ADAMTS12: variants seen among roughly 807,000 people sequenced by gnomAD.
The protein encoded by ADAMTS12 is ADAM metallopeptidase with thrombospondin type 1 motif 12, also known as A disintegrin and metalloproteinase with thrombospondin motifs 12.
In ADAMTS12, 118 loss-of-function variants were observed where a neutral mutation model predicts 167.8. The observed-to-expected ratio is 0.70, with a 90% CI of 0.61 to 0.82. The LOEUF (loss-of-function observed/expected upper bound fraction) is 0.82, where lower values mean the gene tolerates loss of function less well. Ranked by LOEUF, ADAMTS12 falls within the 40% of genes least tolerant of loss-of-function variation. ADAMTS12 has a pLI of 0.00. For missense variants in ADAMTS12, 1,916 were observed against 1,998.8 expected, an observed-to-expected ratio of 0.96 and a Z score of 0.79; for synonymous variants, 704 against 716.9, an observed-to-expected ratio of 0.98 and a Z score of 0.29.
At chr5:33,549,183 T>A (rs758591660) in intron 21 of ADAMTS12, 24 bp downstream of exon 21, 41 of 1,606,976 alleles carry the variant, frequency 2.6e-5, no homozygotes, top group Non-Finnish European at 3.5e-5. Context: ...TGTGAGGACA[T>A]CTCTCCCTTT....
At position 33,613,102 on chromosome 5, in the gene ADAMTS12, T is replaced by C. The variant is rs1005983829; in HGVS notation, c.2527+1136A>G. Among the ~76,000 whole-genome samples, 7 of 152,234 alleles carry C rather than the reference T, an allele frequency of 4.6e-5. No individual in the cohort carries two copies. The East Asian group carries it at 1.2e-3, about 25-fold the overall frequency. ...GGGAGAGTAGGCCATGGTCTTCTGCTCCATTCACTTGCTTCAGTTTTCTTC... is the reference window on the plus strand; with the variant it reads ...GGGAGAGTAGGCCATGGTCTTCTGCCCCATTCACTTGCTTCAGTTTTCTTC... On this transcript the variant is annotated intron_variant, in intron 16 of 23. Coordinates refer to ENST00000504830, the MANE Select transcript of ADAMTS12 (RefSeq NM_030955.4).
intron 3 of ADAMTS12, among the ~76,000 whole-genome samples, chr5:33,703,204 CT>C (rs1743064515): frequency 6.6e-6 from 1 of 152,316 alleles, no homozygotes; most frequent in Non-Finnish European, 1.5e-5. Context: ...CTGACTACCC[CT>C]GGAGGGTGAA....
At chr5:33,756,717 T>G (rs1579909771) in intron 2 of ADAMTS12, among the ~76,000 whole-genome samples, 1 of 152,260 alleles carries the variant, frequency 6.6e-6, no homozygotes, top group East Asian at 1.9e-4. Context: ...GCAGCCCTAG[T>G]AACTCATGTG....
intron 17 of ADAMTS12, among the ~76,000 whole-genome samples, chr5:33,594,123 G>A (rs574543664): frequency 4.9e-4 from 74 of 152,314 alleles, no homozygotes; most frequent in African/African-American, 1.6e-3. Flanking sequence ...GGACCTGGTG[G>A]GAGATAATTG....
chr5:33,631,261 T>C (rs1739914727), intron 12 of ADAMTS12, among the ~76,000 whole-genome samples: 1 of 152,090 alleles, frequency 6.6e-6, no homozygotes, highest in South Asian at 2.1e-4. Flanking sequence ...GCTTAGAAAA[T>C]AAGTTATTGC....
At chr5:33,837,623 T>C (rs1477685251) in intron 2 of ADAMTS12, among the ~76,000 whole-genome samples, 2 of 152,198 alleles carry the variant, frequency 1.3e-5, no homozygotes, top group African/African-American at 4.8e-5. Flanking sequence ...ACTCCCTTCC[T>C]AGCATCTGCA....
chr5:33,826,804 C>T (rs1748088792), intron 2 of ADAMTS12, among the ~76,000 whole-genome samples: 1 of 151,940 alleles, frequency 6.6e-6, no homozygotes, highest in African/African-American at 2.4e-5. Flanking sequence ...TAAGTACTAC[C>T]TTGATGGTAA....
At position 33,576,788 on chromosome 5, in the gene ADAMTS12, A is replaced by T. The variant is rs760606525; in HGVS notation, c.3238T>A (p.Tyr1080Asn). The T allele has an allele frequency of 1.2e-6, 2 of 1,614,204 alleles. No homozygotes were observed. The highest frequency in any genetic ancestry group is 2.2e-5 in the South Asian group (2 of 91,092). ...GAAGTGCTTCCAGTGGAAATGAGAT[A>T]GCGAGAGCTCAGCTCAGGTTGGGTT... is the stretch of plus-strand genomic sequence containing the variant. ...SSTQPELSSRYLISTGSTSQP... is the reference protein window; with the variant it reads ...SSTQPELSSRNLISTGSTSQP... Residue 1080 changes from tyrosine to asparagine, a missense_variant, in exon 19 of 24, where the codon TAT becomes AAT. Transcript: ENST00000504830.
intron 2 of ADAMTS12, among the ~76,000 whole-genome samples, chr5:33,805,926 A>T (rs62349805): frequency 2.3e-5 from 1 of 43,642 alleles, no homozygotes; most frequent in Admixed American, 2.0e-4. Flanking sequence ...CCTCTCATTT[A>T]AAAAAAAAAA....
At chr5:33,623,027 A>T (rs190941171) in intron 14 of ADAMTS12, among the ~76,000 whole-genome samples, 116 of 152,306 alleles carry the variant, frequency 7.6e-4, no homozygotes, top group African/African-American at 2.5e-3. Context: ...TTAAATTTAG[A>T]CTGTTTGCTG....
At chr5:33,875,635 C>G (rs1426784817) in intron 2 of ADAMTS12, among the ~76,000 whole-genome samples, 1 of 152,164 alleles carries the variant, frequency 6.6e-6, no homozygotes, top group Non-Finnish European at 1.5e-5. Flanking sequence ...AAAAAAAGCT[C>G]TCAGAAAACT....
At chr5:33,634,974 G>A (rs538649258) in intron 12 of ADAMTS12, among the ~76,000 whole-genome samples, 3 of 151,980 alleles carry the variant, frequency 2.0e-5, no homozygotes, top group Non-Finnish European at 2.9e-5. Flanking sequence ...CGATCCTCCC[G>A]CCCCACCCTC....
intron 20 of ADAMTS12, among the ~76,000 whole-genome samples, chr5:33,554,060 T>C (rs1444767874): frequency 1.3e-5 from 2 of 152,184 alleles, no homozygotes; most frequent in African/African-American, 2.4e-5. Flanking sequence ...ATAAAGATTA[T>C]ATGCCATAGT....
chr5:33,535,722 C>T (rs1466361028), intron 22 of ADAMTS12, among the ~76,000 whole-genome samples: 5 of 152,186 alleles, frequency 3.3e-5, no homozygotes, highest in African/African-American at 7.2e-5. Context: ...CGTGGTACTT[C>T]GGCCTGAACT....
intron 2 of ADAMTS12, among the ~76,000 whole-genome samples, chr5:33,838,113 T>A (rs1748604779): frequency 6.6e-6 from 1 of 152,204 alleles, no homozygotes. Context: ...CTGTGCCTCA[T>A]GTGGACTCAC....
Position 33,578,839 on chromosome 5 carries a change from G to C in ADAMTS12, c.2866-1679C>G, listed in dbSNP as rs149761378. Among the ~76,000 whole-genome samples the C allele has an allele frequency of 6.2e-3, 950 of 152,232 alleles. 7 individuals are homozygous for C. The highest frequency in any genetic ancestry group is 0.022 in the African/African-American group (901 of 41,538). ...GAGAATGTACAGCTGAAGGAGTGTC[G>C]AACTGTGTTTGGACCCAACCAGTGA... On this transcript the variant is annotated intron_variant, in intron 18 of 23. Coordinates refer to ENST00000504830, the MANE Select transcript of ADAMTS12 (RefSeq NM_030955.4).
chr5:33,608,261 C>T (rs903431785), intron 16 of ADAMTS12, among the ~76,000 whole-genome samples: 8 of 152,192 alleles, frequency 5.3e-5, no homozygotes, highest in African/African-American at 2.4e-5. Flanking sequence ...AGTTTACAAT[C>T]TGGCAAAGGA....
rs758679740 is a variant in ADAMTS12 at position 33,549,247 on chromosome 5, G to A, written c.4262C>T (p.Pro1421Leu). ...CACCTGCCACGCCTCACAGGGCTCCGGGTTACAGCTCATGCTCAATGGGGG... is the reference window on the plus strand; with the variant it reads ...CACCTGCCACGCCTCACAGGGCTCCAGGTTACAGCTCATGCTCAATGGGGG... ...IPPPLSMSCN[P>L]EPCEAWQVEP... is the part of the protein sequence containing the mutation. Residue 1421 changes from proline (P) to leucine (L), a missense_variant, in exon 21 of 24, where the codon CCG becomes CTG. Pro to Leu is a moderately conservative substitution (Grantham distance 98). Coordinates refer to ENST00000504830, the MANE Select transcript of ADAMTS12 (RefSeq NM_030955.4). The A allele has an allele frequency of 5.4e-5, 87 of 1,614,060 alleles. No homozygotes were observed. The highest frequency in any genetic ancestry group is 1.2e-4 in the Admixed American group (7 of 59,998).
At chr5:33,761,488 C>A (rs1745356461) in intron 2 of ADAMTS12, among the ~76,000 whole-genome samples, 1 of 152,162 alleles carries the variant, frequency 6.6e-6, no homozygotes, top group Non-Finnish European at 1.5e-5. Context: ...GTGTTGATTT[C>A]ACCAAGAGTC....
Sources: allele counts gnomAD v4.1 joint callset (sites outside exome capture counted in the v4.1 genomes callset), GRCh38; gene constraint gnomAD v4.1.1; transcripts MANE v1.5; gene names NCBI Gene and HGNC (gene_info 2026-07-23, HGNC 2026-07-21).